The following ADGRF5 variants were observed in gnomAD, a reference collection of about 807,000 sequenced individuals.
ADGRF5 encodes adhesion G protein-coupled receptor F5.
A neutral mutation model predicts 132.3 loss-of-function variants in ADGRF5; 75 were observed. That is an observed-to-expected ratio of 0.57 (90% CI 0.47 to 0.69). The LOEUF (loss-of-function observed/expected upper bound fraction) is 0.69. Ranked by LOEUF, ADGRF5 falls within the 30% of genes least tolerant of loss-of-function variation. The pLI is 0.00. For missense variants in ADGRF5, 1,516 were observed against 1,630.6 expected (o/e 0.93, Z 1.21); for synonymous variants, 629 against 597.6 (o/e 1.05, Z -0.77).
chr6:46,903,876 G>T (rs921467138), intron 2 of ADGRF5, among the ~76,000 whole-genome samples: 6 of 152,144 alleles, frequency 3.9e-5, no homozygotes, highest in African/African-American at 1.4e-4. Flanking sequence ...CTGTGCTGTG[G>T]GTTGCATGTA....
chr6:46,934,998 CTTTTTTTTTTTTT>C (rs56982002), intron 1 of ADGRF5, among the ~76,000 whole-genome samples: 1 of 86,706 alleles, frequency 1.2e-5, no homozygotes, highest in African/African-American at 4.7e-5. Flanking sequence ...GGTGATAGTT[CTTTTTTTTTTTTT>C]TTTTTTTTTT....
chr6:46,866,780 G>A (rs1454259206), intron 13 of ADGRF5, 145 bp downstream of exon 13: 1 of 588,114 alleles, frequency 1.7e-6, no homozygotes, highest in Non-Finnish European at 3.0e-6. Context: ...CAAAATAGAA[G>A]GTAACAAAGA....
chr6:46,911,106 C>T (rs576252891), intron 1 of ADGRF5, among the ~76,000 whole-genome samples: 1 of 152,182 alleles, frequency 6.6e-6, no homozygotes, highest in Non-Finnish European at 1.5e-5. Flanking sequence ...CCCTTCTTTA[C>T]TTCTCTGCTC....
At position 46,862,637 on chromosome 6, in the gene ADGRF5, G is replaced by T. The variant is rs185612690; in HGVS notation, c.2199+251C>A. Among the ~76,000 whole-genome samples the T allele has an allele frequency of 2.1e-5, 3 of 141,162 alleles. No homozygotes were observed. In the Admixed American group the frequency reaches 2.3e-4, roughly 11 times the overall value. 92.6% of individuals were successfully genotyped at this position (141,162 alleles called of 152,430 possible). On this transcript the variant is annotated intron_variant, in intron 15 of 20. Coordinates refer to ENST00000283296, the MANE Select transcript of ADGRF5 (RefSeq NM_001098518.2). Reference sequence around the variant, plus strand: ...GGAACACATGGTACTGAGAAGTCAAGGTTAAGGTATCTAGTCGGTCTGAGA... The same window carrying T: ...GGAACACATGGTACTGAGAAGTCAATGTTAAGGTATCTAGTCGGTCTGAGA...
intron 3 of ADGRF5, among the ~76,000 whole-genome samples, chr6:46,894,503 A>G (rs1773975728): frequency 6.6e-6 from 1 of 152,172 alleles, no homozygotes; most frequent in South Asian, 2.1e-4. Flanking sequence ...CATCTTACCT[A>G]GTAAGATGAA....
intron 3 of ADGRF5, among the ~76,000 whole-genome samples, chr6:46,896,441 A>T (rs1774187718): frequency 6.6e-6 from 1 of 152,148 alleles, no homozygotes; most frequent in Non-Finnish European, 1.5e-5. Context: ...CCCTGCCTTC[A>T]AGTGGTACAG....
chr6:46,869,492 T>C lies in ADGRF5; in HGVS notation c.1412-400A>G, dbSNP rs568920659. 5.5e-4 allele frequency: 239 copies of C among 434,496 alleles called. 1 individual carries two copies. Among genetic ancestry groups the C allele is most frequent in the African/African-American group, 5.0e-3 (233 of 46,582 alleles). The allele number at this position is 434,496 out of a possible 1,614,324, so 26.9% of individuals were successfully genotyped here. On this transcript the variant is annotated intron_variant, in intron 11 of 20. Transcript: ENST00000283296. ...CCGGGTTCCTCTAACAATCTCAATCTCTACTCTTTTAAAATACTTTTTAAT... is the reference window on the plus strand; with the variant it reads ...CCGGGTTCCTCTAACAATCTCAATCCCTACTCTTTTAAAATACTTTTTAAT...
chr6:46,856,363 T>C (rs1306401903), intron 19 of ADGRF5, among the ~76,000 whole-genome samples: 1 of 152,218 alleles, frequency 6.6e-6, no homozygotes, highest in Non-Finnish European at 1.5e-5. Context: ...ATTATTATTC[T>C]TCAACTTGTT....
intron 1 of ADGRF5, among the ~76,000 whole-genome samples, chr6:46,951,714 C>T (rs1218378403): frequency 1.3e-5 from 2 of 152,172 alleles, no homozygotes; most frequent in Non-Finnish European, 2.9e-5. Flanking sequence ...GGAGGCCTTT[C>T]CTCCCTCCTC....
chr6:46,947,185 A>AGCT (rs1582086710), intron 1 of ADGRF5, among the ~76,000 whole-genome samples: 1 of 152,188 alleles, frequency 6.6e-6, no homozygotes, highest in East Asian at 1.9e-4. Context: ...ATTATACCCC[A>AGCT]GCTTTAGCCA....
At chr6:46,945,684 G>A (rs1778276941) in intron 1 of ADGRF5, among the ~76,000 whole-genome samples, 1 of 152,212 alleles carries the variant, frequency 6.6e-6, no homozygotes, top group South Asian at 2.1e-4. Context: ...CATTTAAAAT[G>A]GGCTTAGGAG....
chr6:46,937,298 A>G (rs1174632259), intron 1 of ADGRF5, among the ~76,000 whole-genome samples: 2 of 151,114 alleles, frequency 1.3e-5, no homozygotes, highest in East Asian at 3.9e-4. Context: ...TCTTTCTCCC[A>G]TGTCACTGAA....
At position 46,882,078 on chromosome 6, in the gene ADGRF5, G is replaced by A. The variant is rs200496823; in HGVS notation, c.642C>T (p.Gly214=). ...ACCCTGTCACAGTCACGCCCTTGAA[G>A]CCTGGTAAAATTCCGTAACCCTTCC... The part of the protein sequence containing the change: ...AFRKGYGILP[G]FKGVTVTGFK... The change falls in exon 7 of 21, where the codon GGC becomes GGT. Residue 214 remains glycine (G), a synonymous_variant. Coordinates refer to ENST00000283296, the MANE Select transcript of ADGRF5 (RefSeq NM_001098518.2). 177 of 1,611,534 alleles carry A rather than the reference G, an allele frequency of 1.1e-4. No homozygotes were observed. The highest frequency in any genetic ancestry group is 1.4e-4 in the Non-Finnish European group (168 of 1,177,870).
At chr6:46,867,796 C>G (rs77981825) in intron 12 of ADGRF5, among the ~76,000 whole-genome samples, 215 of 8,126 alleles carry the variant, frequency 0.026, 1 homozygote, top group African/African-American at 0.029. Flanking sequence ...ATTCCTGCTG[C>G]GGGGGGGAAG....
At chr6:46,864,799 T>C (rs531049) in intron 14 of ADGRF5, among the ~76,000 whole-genome samples, 126,945 of 152,110 alleles carry the variant, frequency 0.83, 54,831 homozygotes, top group East Asian at 0.99. Flanking sequence ...GCTGGGATTA[T>C]AGGCGTGAGC....
intron 19 of ADGRF5, 124 bp downstream of exon 19, chr6:46,856,594 G>A: frequency 1.5e-6 from 1 of 658,888 alleles, no homozygotes; most frequent in Non-Finnish European, 2.7e-6. Context: ...CAGGTTTGAG[G>A]ATGCAATATA....
chr6:46,926,486 G>C (rs199586801), upstream of ADGRF5, among the ~76,000 whole-genome samples: 17,249 of 152,054 alleles, frequency 0.11, 1,139 homozygotes, highest in Admixed American at 0.19. Context: ...CGGGTGAGGG[G>C]GGGGGCAGTG....
intron 3 of ADGRF5, among the ~76,000 whole-genome samples, chr6:46,893,302 T>C (rs1205151491): frequency 1.3e-5 from 2 of 152,020 alleles, no homozygotes; most frequent in Non-Finnish European, 2.9e-5. Context: ...TCATTTCTTC[T>C]CCTCTGAAGC....
At chr6:46,878,509 A>AT in intron 9 of ADGRF5, 104 bp from the exon 10 acceptor site, 1 of 719,950 alleles carries the variant, frequency 1.4e-6, no homozygotes, top group East Asian at 2.7e-5. Context: ...ATGAAGTATC[A>AT]TTTTCAAAAG....
Sources: gnomAD v4.1 joint callset for allele counts (sites outside exome capture counted in the v4.1 genomes callset) on GRCh38, gnomAD v4.1.1 for gene constraint, MANE v1.5 for transcripts, NCBI Gene and HGNC (gene_info 2026-07-23, HGNC 2026-07-21) for gene names.